Variants in WDR64 observed in about 807,000 individuals in gnomAD.
WDR64 encodes WD repeat-containing protein 64.
A neutral mutation model predicts 139.3 loss-of-function variants in WDR64; 112 were observed. The observed-to-expected ratio is 0.80, with a 90% CI of 0.69 to 0.94. The LOEUF is 0.94. WDR64 is among the 40% of genes least tolerant of loss of function. The pLI, the probability that WDR64 is intolerant of heterozygous loss-of-function variation, is 0.00. For missense variants in WDR64, 1,206 were observed against 1,293.1 expected (o/e 0.93, Z 1.03); for synonymous variants, 444 against 437.7 (o/e 1.01, Z -0.18).
Position 241,741,514 on chromosome 1 carries a change from A to G in WDR64, c.1322-2A>G. ...TTTATGAGATTCTTACTTCTGTTCCAGGATCTAGTGTTATGGACATGTATC... is the reference window on the plus strand; with the variant it reads ...TTTATGAGATTCTTACTTCTGTTCCGGGATCTAGTGTTATGGACATGTATC... On this transcript the variant is annotated splice_acceptor_variant, in intron 11 of 27. Coordinates refer to ENST00000437684, the MANE Select transcript of WDR64 (RefSeq NM_001367482.1). LOFTEE classifies it high-confidence loss of function. 1 of 1,592,344 alleles carries G rather than the reference A, an allele frequency of 6.3e-7. No homozygotes were observed. The highest frequency in any genetic ancestry group is 8.5e-7 in the Non-Finnish European group (1 of 1,173,474).
intron 9 of WDR64, among the ~76,000 whole-genome samples, chr1:241,721,034 C>T (rs1408367818): frequency 2.6e-5 from 4 of 152,188 alleles, no homozygotes; most frequent in African/African-American, 9.6e-5. Flanking sequence ...TCTCCCAGCA[C>T]CATTTATTAA....
intron 9 of WDR64, among the ~76,000 whole-genome samples, chr1:241,717,642 T>C (rs1198677503): frequency 2.0e-5 from 3 of 151,402 alleles, no homozygotes; most frequent in African/African-American, 7.3e-5. Context: ...AAAGAAAAAA[T>C]AGAAAGCAAC....
At chr1:241,770,063 T>A (rs1337890784) in intron 17 of WDR64, among the ~76,000 whole-genome samples, 1 of 152,212 alleles carries the variant, frequency 6.6e-6, no homozygotes, top group Non-Finnish European at 1.5e-5. Context: ...ATCAGAAGCT[T>A]CTGTGCTGGT....
At chr1:241,733,235 G>A (rs1033054849) in intron 10 of WDR64, among the ~76,000 whole-genome samples, 1 of 152,128 alleles carries the variant, frequency 6.6e-6, no homozygotes, top group Non-Finnish European at 1.5e-5. Context: ...AGCACTTTGG[G>A]GGGCCAAGGT....
At chr1:241,775,054 A>T in intron 20 of WDR64, 51 bp from the exon 21 acceptor site, 2 of 1,398,372 alleles carry the variant, frequency 1.4e-6, no homozygotes, top group South Asian at 2.6e-5. Flanking sequence ...TTAAGATTTT[A>T]TAAGACTTAC....
At chr1:241,701,004 T>A (rs1197570192) in intron 8 of WDR64, among the ~76,000 whole-genome samples, 1 of 152,178 alleles carries the variant, frequency 6.6e-6, no homozygotes, top group African/African-American at 2.4e-5. Context: ...ATGCCAACAT[T>A]CCCTTTGTTC....
At chr1:241,756,245 G>A (rs1209779449) in intron 14 of WDR64, among the ~76,000 whole-genome samples, 1 of 152,048 alleles carries the variant, frequency 6.6e-6, no homozygotes, top group East Asian at 1.9e-4. Context: ...CTTGAGCAGT[G>A]GTTTATAGTT....
chr1:241,653,283 T>C (rs1477554752), intron 1 of WDR64, among the ~76,000 whole-genome samples: 2 of 152,206 alleles, frequency 1.3e-5, no homozygotes, highest in African/African-American at 4.8e-5. Flanking sequence ...CAAACCCTGC[T>C]GTTGCAATGA....
chr1:241,729,397 C>A (rs1668988128), intron 10 of WDR64, among the ~76,000 whole-genome samples: 1 of 152,170 alleles, frequency 6.6e-6, no homozygotes, highest in Non-Finnish European at 1.5e-5. Flanking sequence ...TTGTCATTGC[C>A]TTCTCACATA....
At chr1:241,738,615 C>A in intron 11 of WDR64, 126 bp downstream of exon 11, 1 of 984,712 alleles carries the variant, frequency 1.0e-6, no homozygotes, top group Non-Finnish European at 1.4e-6. Context: ...AACCATGATT[C>A]GTGACAGTAG....
At position 241,764,710 on chromosome 1, in the gene WDR64, T is replaced by C. The variant is rs546997489; in HGVS notation, c.1948-1508T>C. On this transcript the variant is annotated intron_variant, in intron 15 of 27. Transcript: ENST00000437684. Reference sequence around the variant, plus strand: ...AATAAAAGATATAAGGTCATGACAATGGAGATGGTGCAGAAGAAAATGTTC... The same window carrying C: ...AATAAAAGATATAAGGTCATGACAACGGAGATGGTGCAGAAGAAAATGTTC... 6.6e-5 allele frequency among the ~76,000 whole-genome samples: 10 copies of C among 151,968 alleles called. No individual in the cohort carries two copies. In the East Asian group the frequency reaches 1.4e-3, roughly 21 times the overall value.
chr1:241,663,940 G>C (rs969964610), intron 2 of WDR64, among the ~76,000 whole-genome samples: 4 of 150,162 alleles, frequency 2.7e-5, no homozygotes, highest in Non-Finnish European at 3.0e-5. Flanking sequence ...TTTTGTTTTT[G>C]TTTTTTTTTC....
rs1659517072 is a variant in WDR64 at position 241,801,213 on chromosome 1, T to C, written c.3274T>C (p.Ter1092GlnextTer11). 6.2e-7 allele frequency: 1 copy of C among 1,612,750 alleles called. No individual in the cohort carries two copies. The highest frequency in any genetic ancestry group is 1.3e-5 in the African/African-American group (1 of 74,928). The change falls in exon 28 of 28, where the codon TAA becomes CAA. Residue 1092 changes from the stop codon to glutamine, a stop_lost. Coordinates refer to ENST00000437684, the MANE Select transcript of WDR64 (RefSeq NM_001367482.1). ...ASSFFPAIPK[*>Q] The stretch of plus-strand genomic sequence containing the variant: ...TTCCTTCTTCCCAGCTATACCCAAG[T>C]AAGGAGAAAAAATCAGAAATGGCTG...
At chr1:241,764,647 C>A (rs1465265172) in intron 15 of WDR64, among the ~76,000 whole-genome samples, 1 of 151,548 alleles carries the variant, frequency 6.6e-6, no homozygotes, top group Non-Finnish European at 1.5e-5. Context: ...AGTGACAGAT[C>A]AAGATTCTGT....
chr1:241,794,381 A>G (rs1056295619), intron 25 of WDR64, among the ~76,000 whole-genome samples: 3 of 152,120 alleles, frequency 2.0e-5, no homozygotes, highest in South Asian at 4.1e-4. Flanking sequence ...CAATTTAGAG[A>G]TAAGAAATCA....
At chr1:241,710,354 G>A (rs913833786) in intron 8 of WDR64, among the ~76,000 whole-genome samples, 2 of 152,092 alleles carry the variant, frequency 1.3e-5, no homozygotes, top group Non-Finnish European at 2.9e-5. Flanking sequence ...ATTGAAGCAC[G>A]GTGATGGAGC....
At chr1:241,763,751 A>G (rs1230377936) in intron 15 of WDR64, among the ~76,000 whole-genome samples, 1 of 152,182 alleles carries the variant, frequency 6.6e-6, no homozygotes, top group African/African-American at 2.4e-5. Context: ...TTGATTGTGC[A>G]TGGAAATCCT....
intron 1 of WDR64, among the ~76,000 whole-genome samples, chr1:241,655,683 A>G (rs1387129037): frequency 6.6e-5 from 9 of 136,810 alleles, no homozygotes; most frequent in Admixed American, 5.6e-4. Flanking sequence ...ATTCCCCAAT[A>G]TGGAGTGCCT....
intron 15 of WDR64, among the ~76,000 whole-genome samples, chr1:241,759,930 G>A (rs12755727): frequency 0.42 from 63,995 of 151,886 alleles, 15,022 homozygotes; most frequent in Middle Eastern, 0.62. Context: ...CCATCTCTAC[G>A]AACTTACACT....
Sources: allele counts gnomAD v4.1 joint callset (sites outside exome capture counted in the v4.1 genomes callset), GRCh38; gene constraint gnomAD v4.1.1; transcripts MANE v1.5; gene names NCBI Gene and HGNC (gene_info 2026-07-23, HGNC 2026-07-21).